The following NAALADL2 variants were observed in gnomAD, a reference collection of about 807,000 sequenced individuals.
The protein encoded by NAALADL2 is inactive N-acetylated-alpha-linked acidic dipeptidase-like protein 2.
In NAALADL2, 76 loss-of-function variants were observed where a neutral mutation model predicts 87.2. That is an observed-to-expected ratio of 0.87 (90% confidence interval 0.72 to 1.05). The LOEUF (loss-of-function observed/expected upper bound fraction) is 1.05. Ranked by LOEUF, NAALADL2 falls within the 50% of genes least tolerant of loss-of-function variation. NAALADL2 has a pLI of 0.00. For missense variants in NAALADL2, 1,089 were observed against 945.8 expected, an observed-to-expected ratio of 1.15 and a Z score of -1.99; for synonymous variants, 354 against 331.0, an observed-to-expected ratio of 1.07 and a Z score of -0.75.
Position 175,096,846 on chromosome 3 carries a change from C to T in NAALADL2, c.100C>T (p.Gln34Ter). Residue 34 changes from glutamine (Q) to a stop codon, truncating the protein, a stop_gained, in exon 2 of 14, where the codon CAG becomes TAG. Coordinates refer to ENST00000454872, the MANE Select transcript of NAALADL2 (RefSeq NM_207015.3). LOFTEE classifies it high-confidence loss of function. Reference protein sequence around the residue: ...HADQRAPGHSQYLDNDDLQAT... With the variant: ...HADQRAPGHS ...AGATCAAAGAGCTCCAGGACACTCA[C>T]AGTACTTAGACAATGATGACCTTCA... is the stretch of plus-strand genomic sequence containing the variant. 1.2e-6 allele frequency: 2 copies of T among 1,610,702 alleles called. No individual in the cohort carries two copies. The highest frequency in any genetic ancestry group is 1.7e-6 in the Non-Finnish European group (2 of 1,178,226).
intron 1 of NAALADL2, among the ~76,000 whole-genome samples, chr3:174,448,380 A>G (rs1715218035): frequency 1.3e-5 from 2 of 152,198 alleles, no homozygotes; most frequent in African/African-American, 4.8e-5. Context: ...TCCCTCTTAC[A>G]GTACCCTCCA....
At chr3:174,714,848 T>G (rs576079822) in intron 2 of NAALADL2, among the ~76,000 whole-genome samples, 2 of 152,258 alleles carry the variant, frequency 1.3e-5, no homozygotes, top group South Asian at 2.1e-4. Flanking sequence ...AATAGGAGTG[T>G]TGAGAGAGGG....
At chr3:175,355,991 G>A (rs1282497108) in intron 5 of NAALADL2, among the ~76,000 whole-genome samples, 1 of 152,026 alleles carries the variant, frequency 6.6e-6, no homozygotes, top group African/African-American at 2.4e-5. Context: ...ATTTTTGAGG[G>A]TACTGAGAAC....
At position 175,644,593 on chromosome 3, in the gene NAALADL2, C is replaced by G. The variant is rs569070274; in HGVS notation, c.1896+17207C>G. Among the ~76,000 whole-genome samples, 223 of 152,228 alleles carry G rather than the reference C, an allele frequency of 1.5e-3. 1 individual carries two copies. Among genetic ancestry groups the G allele is most frequent in the South Asian group, 0.014 (69 of 4,822 alleles). On this transcript the variant is annotated intron_variant, in intron 11 of 13. Transcript: ENST00000454872. ...TTTCTGGGCTGTTGATCCTATTCCT[C>G]AGTCTATTTTCTCATCTGTGTATGA...
At chr3:175,228,007 A>G (rs1744405314) in intron 2 of NAALADL2, among the ~76,000 whole-genome samples, 2 of 151,992 alleles carry the variant, frequency 1.3e-5, no homozygotes, top group South Asian at 2.1e-4. Flanking sequence ...ACTGTTTATG[A>G]AGAAATCATA....
chr3:175,032,903 A>C (rs1346351629), intron 1 of NAALADL2, among the ~76,000 whole-genome samples: 1 of 151,832 alleles, frequency 6.6e-6, no homozygotes, highest in Non-Finnish European at 1.5e-5. Flanking sequence ...CATTTTCTCT[A>C]TTCTTCCCTT....
intron 1 of NAALADL2, among the ~76,000 whole-genome samples, chr3:174,867,859 T>C (rs1727352832): frequency 1.3e-5 from 2 of 152,080 alleles, no homozygotes; most frequent in African/African-American, 4.8e-5. Context: ...TGCACTGTTA[T>C]TCAAAATTAG....
chr3:175,600,863 C>G (rs944875517), intron 10 of NAALADL2, among the ~76,000 whole-genome samples: 5 of 152,052 alleles, frequency 3.3e-5, no homozygotes, highest in Non-Finnish European at 7.4e-5. Flanking sequence ...CAAAGTTGAG[C>G]CAACTAACCA....
At chr3:175,154,530 AATT>A (rs1732016958) in intron 2 of NAALADL2, among the ~76,000 whole-genome samples, 1 of 152,120 alleles carries the variant, frequency 6.6e-6, no homozygotes, top group South Asian at 2.1e-4. Context: ...GGATTACATA[AATT>A]ATTATCTGAA....
At chr3:175,405,384 A>C (rs1172918205) in intron 5 of NAALADL2, among the ~76,000 whole-genome samples, 2 of 152,170 alleles carry the variant, frequency 1.3e-5, no homozygotes, top group Non-Finnish European at 2.9e-5. Context: ...CATTTTGAGG[A>C]GGATATGTAA....
chr3:174,460,116 A>T (rs1197965205), intron 1 of NAALADL2, among the ~76,000 whole-genome samples: 1 of 152,150 alleles, frequency 6.6e-6, no homozygotes, highest in Non-Finnish European at 1.5e-5. Context: ...AAACATGTAG[A>T]CTAAAGCATA....
chr3:174,993,128 A>G (rs1746964142), intron 1 of NAALADL2, among the ~76,000 whole-genome samples: 1 of 152,090 alleles, frequency 6.6e-6, no homozygotes, highest in African/African-American at 2.4e-5. Flanking sequence ...AGTTCAAACA[A>G]ACTTATTTTG....
chr3:175,291,048 T>C (rs772987986), intron 4 of NAALADL2, among the ~76,000 whole-genome samples: 11 of 152,188 alleles, frequency 7.2e-5, no homozygotes, highest in Non-Finnish European at 1.3e-4. Flanking sequence ...TGTAAAAGCA[T>C]TGTAATTAAC....
intron 1 of NAALADL2, among the ~76,000 whole-genome samples, chr3:174,461,238 A>G (rs778290154): frequency 3.3e-5 from 5 of 152,118 alleles, no homozygotes; most frequent in Non-Finnish European, 5.9e-5. Flanking sequence ...TTTTATGCCA[A>G]TGTTAATACT....
At chr3:175,145,850 A>T (rs1182881793) in intron 2 of NAALADL2, among the ~76,000 whole-genome samples, 2 of 138,444 alleles carry the variant, frequency 1.4e-5, no homozygotes, top group African/African-American at 2.6e-5. Flanking sequence ...CACTTCAAAT[A>T]ATTCAGAAGT....
At chr3:174,472,237 A>G (rs1013410860) in intron 1 of NAALADL2, among the ~76,000 whole-genome samples, 16 of 152,218 alleles carry the variant, frequency 1.1e-4, no homozygotes, top group African/African-American at 3.9e-4. Context: ...GCTCTTAGCT[A>G]TGTTTACTAT....
chr3:175,398,366 T>TC (rs1185476347), intron 5 of NAALADL2, among the ~76,000 whole-genome samples: 5 of 147,908 alleles, frequency 3.4e-5, no homozygotes, highest in African/African-American at 5.0e-5. Context: ...TTTTTTTTTT[T>TC]CCATCCTTTG....
At chr3:175,791,943 A>C (rs1186635023) in intron 13 of NAALADL2, among the ~76,000 whole-genome samples, 1 of 150,284 alleles carries the variant, frequency 6.7e-6, no homozygotes, top group African/African-American at 2.4e-5. Flanking sequence ...TATTTCTACT[A>C]TTTACTCACA....
At chr3:175,053,081 C>G (rs1755630633) in intron 1 of NAALADL2, among the ~76,000 whole-genome samples, 1 of 152,154 alleles carries the variant, frequency 6.6e-6, no homozygotes, top group Non-Finnish European at 1.5e-5. Context: ...TTTTTCTGAA[C>G]AGGTTCAATT....
Sources: allele counts gnomAD v4.1 joint callset (sites outside exome capture counted in the v4.1 genomes callset), GRCh38; gene constraint gnomAD v4.1.1; transcripts MANE v1.5; gene names NCBI Gene and HGNC (gene_info 2026-07-23, HGNC 2026-07-21).